The following ARHGAP26 variants were observed in gnomAD, a reference collection of about 807,000 sequenced individuals.
ARHGAP26 encodes the protein rho GTPase-activating protein 26.
A neutral mutation model predicts 104.8 loss-of-function variants in ARHGAP26; 38 were observed. The observed-to-expected ratio is 0.36, with a 90% CI of 0.28 to 0.48. The LOEUF (loss-of-function observed/expected upper bound fraction) is 0.48. Ranked by LOEUF, ARHGAP26 falls within the 20% of genes least tolerant of loss-of-function variation. The pLI is 0.99. For synonymous variants in ARHGAP26, 341 were observed against 340.0 expected (o/e 1.00, Z -0.03); for missense variants, 704 against 947.9 (o/e 0.74, Z 3.38).
intron 1 of ARHGAP26, among the ~76,000 whole-genome samples, chr5:142,870,002 C>T (rs981094356): frequency 2.6e-5 from 4 of 152,190 alleles, no homozygotes; most frequent in Admixed American, 6.5e-5. Flanking sequence ...CTTGGCCTCC[C>T]CAGATGCCGG....
At chr5:142,893,110 G>A (rs1397664315) in intron 5 of ARHGAP26, among the ~76,000 whole-genome samples, 1 of 150,728 alleles carries the variant, frequency 6.6e-6, no homozygotes, top group Non-Finnish European at 1.5e-5. Flanking sequence ...TCAACCTCCC[G>A]AGTAGCTACC....
At chr5:143,193,268 G>A (rs979153943) in intron 20 of ARHGAP26, among the ~76,000 whole-genome samples, 5 of 101,516 alleles carry the variant, frequency 4.9e-5, no homozygotes, top group Non-Finnish European at 9.0e-5. Context: ...TTTTTTTTGA[G>A]GCAGAGTCTC....
chr5:142,824,357 C>T (rs1766792410), intron 1 of ARHGAP26, among the ~76,000 whole-genome samples: 1 of 152,156 alleles, frequency 6.6e-6, no homozygotes, highest in Non-Finnish European at 1.5e-5. Flanking sequence ...AGGGTCGTCC[C>T]TATCAAACAC....
intron 1 of ARHGAP26, among the ~76,000 whole-genome samples, chr5:142,807,816 G>A (rs1334451850): frequency 6.6e-6 from 1 of 152,134 alleles, no homozygotes; most frequent in African/African-American, 2.4e-5. Context: ...TTGGGAACTG[G>A]GGACTTTACC....
At chr5:143,132,886 C>T (rs1194084271) in intron 18 of ARHGAP26, among the ~76,000 whole-genome samples, 3 of 150,580 alleles carry the variant, frequency 2.0e-5, no homozygotes, top group Non-Finnish European at 4.4e-5. Context: ...AAACTGTTAT[C>T]TTCTGAAATT....
chr5:142,966,635 T>G (rs540963645), intron 11 of ARHGAP26, among the ~76,000 whole-genome samples: 1 of 152,304 alleles, frequency 6.6e-6, no homozygotes, highest in South Asian at 2.1e-4. Flanking sequence ...ATAATCTCAT[T>G]GCTGGAAAAA....
rs189510200 is a variant in ARHGAP26, at chr5:142,876,130, T to G, written c.312+959T>G. On this transcript the variant is annotated intron_variant, in intron 3 of 22. Coordinates refer to ENST00000645722, the MANE Select transcript of ARHGAP26 (RefSeq NM_001135608.3). ...CATTTTTCTCCATATCCCTAAGATA[T>G]GAGGAATGAAGTCCCCTGCTGACTT... 1.6e-3 allele frequency among the ~76,000 whole-genome samples: 246 copies of G among 152,334 alleles called. 1 individual carries two copies. Among genetic ancestry groups the G allele is most frequent in the Admixed American group, 2.7e-3 (41 of 15,302 alleles).
At chr5:142,895,618 A>G (rs1759372533) in intron 6 of ARHGAP26, among the ~76,000 whole-genome samples, 1 of 152,196 alleles carries the variant, frequency 6.6e-6, no homozygotes, top group African/African-American at 2.4e-5. Context: ...AGCATTGTGT[A>G]CCCCATGTCT....
chr5:143,165,487 G>C (rs1022950028), intron 20 of ARHGAP26: 1 of 152,272 alleles, frequency 6.6e-6, no homozygotes, highest in Non-Finnish European at 1.5e-5. Flanking sequence ...ACAGTATTAA[G>C]AGCTTGGGTT....
At chr5:142,877,248 C>T (rs1756259100) in intron 3 of ARHGAP26, among the ~76,000 whole-genome samples, 1 of 152,192 alleles carries the variant, frequency 6.6e-6, no homozygotes, top group Non-Finnish European at 1.5e-5. Flanking sequence ...ACAACTCCAT[C>T]AGTTCAGTTA....
At chr5:142,998,981 C>G (rs575315203) in intron 11 of ARHGAP26, among the ~76,000 whole-genome samples, 1 of 152,214 alleles carries the variant, frequency 6.6e-6, no homozygotes, top group African/African-American at 2.4e-5. Context: ...ATGTTACCAT[C>G]CTAATGTATA....
intron 22 of ARHGAP26, among the ~76,000 whole-genome samples, chr5:143,220,664 T>C (rs1441878695): frequency 6.6e-6 from 1 of 152,208 alleles, no homozygotes; most frequent in Non-Finnish European, 1.5e-5. Context: ...GACTGTCTCT[T>C]GTGTGGGTTG....
At chr5:142,882,793 T>A (rs1015022080) in intron 4 of ARHGAP26, among the ~76,000 whole-genome samples, 6 of 152,224 alleles carry the variant, frequency 3.9e-5, no homozygotes, top group African/African-American at 1.4e-4. Context: ...ATTTTTATTT[T>A]GTTATATGGT....
chr5:143,225,656 G>A lies in ARHGAP26; in HGVS notation c.*3210G>A. 9.0e-6 allele frequency: 2 copies of A among 221,720 alleles called. No individual in the cohort carries two copies. Among genetic ancestry groups the A allele is most frequent in the Admixed American group, 5.8e-5 (1 of 17,378 alleles). 13.7% of individuals were successfully genotyped at this position (221,720 alleles called of 1,614,324 possible). ...AAGCATGTCCCTCCCTCTTGAGTTG[G>A]CTCTGATTTGAAATCGGGAGAAACA... On this transcript the variant is annotated 3_prime_UTR_variant, in exon 23 of 23. Transcript: ENST00000645722.
chr5:143,012,576 T>TACATATA (rs1554195628), intron 11 of ARHGAP26, among the ~76,000 whole-genome samples: 3 of 57,040 alleles, frequency 5.3e-5, no homozygotes, highest in Non-Finnish European at 1.0e-4. Flanking sequence ...TATATATATA[T>TACATATA]TATGATCAGG....
intron 20 of ARHGAP26, among the ~76,000 whole-genome samples, chr5:143,150,091 C>T (rs1053038723): frequency 6.6e-6 from 1 of 152,200 alleles, no homozygotes; most frequent in African/African-American, 2.4e-5. Context: ...GGCCATCATT[C>T]TACCTGTGCC....
chr5:142,864,297 C>T (rs543894752), intron 1 of ARHGAP26, among the ~76,000 whole-genome samples: 81 of 152,256 alleles, frequency 5.3e-4, no homozygotes, highest in South Asian at 2.7e-3. Flanking sequence ...AGGCAGTGGA[C>T]AGAAAGGATT....
At chr5:142,835,379 A>G (rs1001078366) in intron 1 of ARHGAP26, among the ~76,000 whole-genome samples, 1 of 152,238 alleles carries the variant, frequency 6.6e-6, no homozygotes, top group Admixed American at 6.5e-5. Context: ...AGGTGGCCCC[A>G]TTCATTTAAC....
At chr5:142,887,574 T>C (rs1048514678) in intron 5 of ARHGAP26, among the ~76,000 whole-genome samples, 4 of 152,224 alleles carry the variant, frequency 2.6e-5, no homozygotes, top group African/African-American at 9.6e-5. Context: ...CATTATGCTC[T>C]TTTATTATAG....
Sources: allele counts gnomAD v4.1 joint callset (sites outside exome capture counted in the v4.1 genomes callset), GRCh38; gene constraint gnomAD v4.1.1; transcripts MANE v1.5; gene names NCBI Gene and HGNC (gene_info 2026-07-23, HGNC 2026-07-21).